PCM1: variants seen among roughly 807,000 people sequenced by gnomAD.
PCM1 encodes pericentriolar material 1, also known as pericentriolar material 1 protein.
In PCM1, 157 loss-of-function variants were observed where a neutral mutation model predicts 241.9. The ratio of observed to expected loss-of-function variants is 0.65; its 90% CI spans 0.57 to 0.74. The LOEUF (loss-of-function observed/expected upper bound fraction) is 0.74. Among genes scored for constraint, PCM1 ranks in the 30% least tolerant of loss-of-function variants. The pLI, the probability that PCM1 is intolerant of heterozygous loss-of-function variation, is 0.00. For missense variants in PCM1, 3,478 were observed against 2,360.1 expected (o/e 1.47, Z -9.81); for synonymous variants, 1,085 against 784.9 (o/e 1.38, Z -6.39).
At chr8:17,933,177 T>C (rs1331935238) in intron 2 of PCM1, among the ~76,000 whole-genome samples, 2 of 152,164 alleles carry the variant, frequency 1.3e-5, no homozygotes, top group Non-Finnish European at 2.9e-5. Flanking sequence ...TTTAGCATGG[T>C]GTTTGGCATG....
rs2094353784 is a variant in PCM1 at position 18,028,159 on chromosome 8, C to T, written c.*497C>T. 1 of 194,730 alleles carries T rather than the reference C, an allele frequency of 5.1e-6. No individual in the cohort carries two copies. The highest frequency in any genetic ancestry group is 1.9e-4 in the South Asian group (1 of 5,172). The allele number at this position is 194,730 out of a possible 1,614,324, so 12.1% of individuals were successfully genotyped here. On this transcript the variant is annotated 3_prime_UTR_variant, in exon 39 of 39. Transcript: ENST00000325083. ...TGCTGCTGTTGGGTCTGATGTTCTT[C>T]TTTTAGATACCTGCAGGTCCTATTC...
Position 17,980,672 on chromosome 8 carries a change from T to A in PCM1, c.4025T>A (p.Val1342Asp). ...NRHSAQTEEP[V>D]QAKVFSRKNH... Reference sequence around the variant, plus strand: ...CATTCAGCCCAGACTGAAGAGCCTGTTCAAGCAAAAGTATTCAGCAGAAAG... The same window carrying A: ...CATTCAGCCCAGACTGAAGAGCCTGATCAAGCAAAAGTATTCAGCAGAAAG... The change falls in exon 24 of 39, where the codon GTT (valine) becomes GAT (aspartate). Residue 1342 changes from valine (V) to aspartate (D), a missense_variant. Transcript: ENST00000325083. 1 of 1,613,458 alleles carries A rather than the reference T, an allele frequency of 6.2e-7. No individual in the cohort carries two copies. Among genetic ancestry groups the A allele is most frequent in the Non-Finnish European group, 8.5e-7 (1 of 1,179,624 alleles).
At chr8:17,929,386 C>T (rs1311614076) in intron 2 of PCM1, among the ~76,000 whole-genome samples, 5 of 152,130 alleles carry the variant, frequency 3.3e-5, no homozygotes, top group South Asian at 2.1e-4. Context: ...TACTCTTTAT[C>T]GTCTCCCTGA....
chr8:17,992,254 A>T (rs1470173236), intron 28 of PCM1, among the ~76,000 whole-genome samples: 1 of 152,188 alleles, frequency 6.6e-6, no homozygotes, highest in Non-Finnish European at 1.5e-5. Context: ...TTCTGGGCAG[A>T]TACCTAGTAG....
chr8:17,954,984 A>T (rs1441436539), intron 9 of PCM1, among the ~76,000 whole-genome samples: 1 of 152,058 alleles, frequency 6.6e-6, no homozygotes, highest in Non-Finnish European at 1.5e-5. Context: ...CATCCCCCTG[A>T]TCTGTGGGTA....
At chr8:17,962,830 G>A (rs1056446177) in intron 16 of PCM1, 4 of 232,670 alleles carry the variant, frequency 1.7e-5, no homozygotes, top group Admixed American at 5.9e-5. Context: ...TTGAACCTGG[G>A]AGGCAGAGGT....
chr8:17,956,271 A>C (rs2068433371), intron 10 of PCM1, among the ~76,000 whole-genome samples: 1 of 152,216 alleles, frequency 6.6e-6, no homozygotes, highest in South Asian at 2.1e-4. Flanking sequence ...GTAGTACTTC[A>C]CACTTTTGAT....
In PCM1 at chr8:18,025,646, C is replaced by T; in HGVS notation, c.6037C>T (p.Leu2013=). Residue 2013 remains leucine (L), a synonymous_variant, in exon 38 of 39, where the codon CTA becomes TTA. Coordinates refer to ENST00000325083, the MANE Select transcript of PCM1 (RefSeq NM_006197.4). The part of the protein sequence containing the change: ...TEELAGNSET[L]KEPETVGAQS... The stretch of plus-strand genomic sequence containing the variant: ...AGAATTAGCTGGAAATTCTGAGACA[C>T]TAAAAGAACCTGGTAAGAGTTATCA... 2 of 1,533,066 alleles carry T rather than the reference C, an allele frequency of 1.3e-6. No homozygotes were observed. The highest frequency in any genetic ancestry group is 1.8e-6 in the Non-Finnish European group (2 of 1,124,688). The allele number at this position is 1,533,066 out of a possible 1,614,324, so 95.0% of individuals were successfully genotyped here.
At chr8:18,017,795 G>A (rs1424547441) in intron 36 of PCM1, among the ~76,000 whole-genome samples, 2 of 152,148 alleles carry the variant, frequency 1.3e-5, no homozygotes, top group African/African-American at 4.8e-5. Context: ...GGAGGTTGTC[G>A]TGAGCCAAAA....
In PCM1 at chr8:17,933,760, T is replaced by C. The variant is rs944225903; in HGVS notation, c.-22-1829T>C. On this transcript the variant is annotated intron_variant, in intron 2 of 38. Transcript: ENST00000325083. ...TACTCTTTAAGAATACCACCTTTTC[T>C]CTTTTCAGTGGTAATATTTCTGTTT... is the stretch of plus-strand genomic sequence containing the variant. Among the ~76,000 whole-genome samples, 6 of 152,284 alleles carry C rather than the reference T, an allele frequency of 3.9e-5. No homozygotes were observed. The East Asian group carries it at 9.6e-4, about 24-fold the overall frequency.
chr8:17,969,781 A>T (rs1210560965), intron 22 of PCM1, 33 bp downstream of exon 22: 1 of 1,484,322 alleles, frequency 6.7e-7, no homozygotes, highest in Non-Finnish European at 9.3e-7. Context: ...TATTGCTTAA[A>T]CATTCACTTT....
chr8:18,012,874 T>G (rs1273934849), intron 34 of PCM1, among the ~76,000 whole-genome samples: 1 of 152,234 alleles, frequency 6.6e-6, no homozygotes, highest in Non-Finnish European at 1.5e-5. Context: ...TGTCATATTT[T>G]TAACTTCTGA....
chr8:17,995,453 T>G (rs2086343682), intron 29 of PCM1, among the ~76,000 whole-genome samples: 1 of 151,500 alleles, frequency 6.6e-6, no homozygotes, highest in Admixed American at 6.6e-5. Flanking sequence ...AGTACCACGC[T>G]GTTTTGGTTA....
At chr8:17,990,175 G>C (rs1263345157) in intron 27 of PCM1, among the ~76,000 whole-genome samples, 196 bp downstream of exon 27, 1 of 151,998 alleles carries the variant, frequency 6.6e-6, no homozygotes, top group East Asian at 1.9e-4. Flanking sequence ...CAACATTTTT[G>C]ACTCTGCATA....
At chr8:17,932,592 A>G (rs563752232) in intron 2 of PCM1, among the ~76,000 whole-genome samples, 26 of 152,146 alleles carry the variant, frequency 1.7e-4, no homozygotes, top group East Asian at 9.6e-4. Context: ...TTCTCTGTAT[A>G]ACAAAGGTAT....
chr8:17,923,211 C>T (rs1027124586), intron 1 of PCM1, 23 bp downstream of exon 1: 1 of 152,450 alleles, frequency 6.6e-6, no homozygotes, highest in African/African-American at 2.4e-5. Flanking sequence ...CGTCCCCAGC[C>T]CTTGGCAACC....
Position 17,932,685 on chromosome 8 carries a change from T to C in PCM1, c.-22-2904T>C, listed in dbSNP as rs185142174. On this transcript the variant is annotated intron_variant, in intron 2 of 38. Transcript: ENST00000325083. Reference sequence around the variant, plus strand: ...TCTCAGCACACTTAGGAATTTACTTTTATGTGAATAAAATCTGTTGAACTT... The same window carrying C: ...TCTCAGCACACTTAGGAATTTACTTCTATGTGAATAAAATCTGTTGAACTT... 3.4e-3 allele frequency among the ~76,000 whole-genome samples: 524 copies of C among 152,238 alleles called. 2 individuals carry two copies. The highest frequency in any genetic ancestry group is 6.1e-3 in the Non-Finnish European group (415 of 67,974).
intron 36 of PCM1, among the ~76,000 whole-genome samples, chr8:18,019,771 C>T (rs2093611729): frequency 2.6e-5 from 4 of 152,198 alleles, no homozygotes; most frequent in Admixed American, 2.6e-4. Context: ...CCCCACCACT[C>T]ACCTCCTGCT....
intron 36 of PCM1, among the ~76,000 whole-genome samples, chr8:18,022,060 T>C (rs569100854): frequency 6.6e-6 from 1 of 152,290 alleles, no homozygotes; most frequent in Non-Finnish European, 1.5e-5. Flanking sequence ...TTGAGCCTCA[T>C]TGGAAAGGAC....
Sources: gnomAD v4.1 joint callset for allele counts (sites outside exome capture counted in the v4.1 genomes callset) on GRCh38, gnomAD v4.1.1 for gene constraint, MANE v1.5 for transcripts, NCBI Gene and HGNC (gene_info 2026-07-23, HGNC 2026-07-21) for gene names.